The following SPECC1L variants were observed in gnomAD, a reference collection of about 807,000 sequenced individuals.
The protein encoded by SPECC1L is sperm antigen with calponin homology and coiled-coil domains 1 like.
SPECC1L carries 40 observed loss-of-function variants against 116.8 expected under a neutral mutation model. That is an observed-to-expected ratio of 0.34 (90% CI 0.27 to 0.45). The LOEUF (loss-of-function observed/expected upper bound fraction) is 0.45, where lower values mean the gene tolerates loss of function less well. Among genes scored for constraint, SPECC1L ranks in the 20% least tolerant of loss-of-function variants. The pLI, the probability that SPECC1L is intolerant of heterozygous loss-of-function variation, is 1.00. For synonymous variants in SPECC1L, 504 were observed against 500.6 expected, an observed-to-expected ratio of 1.01 and a Z score of -0.09; for missense variants, 1,110 against 1,373.6, an observed-to-expected ratio of 0.81 and a Z score of 3.03.
intron 8 of SPECC1L, 146 bp from the exon 9 acceptor site, chr22:24,334,264 G>A (rs984535375): frequency 2.5e-5 from 18 of 731,894 alleles, no homozygotes; most frequent in Middle Eastern, 3.6e-4. Context: ...CTCCTGCCTC[G>A]GCCTCCCAAA....
intron 14 of SPECC1L, among the ~76,000 whole-genome samples, chr22:24,376,643 A>G (rs1305651942): frequency 1.3e-5 from 2 of 152,212 alleles, no homozygotes; most frequent in Non-Finnish European, 2.9e-5. Context: ...AACTTTGAAT[A>G]TTTTATGCTA....
intron 4 of SPECC1L, among the ~76,000 whole-genome samples, chr22:24,315,018 G>A (rs2040533740): frequency 6.6e-6 from 1 of 152,152 alleles, no homozygotes; most frequent in Non-Finnish European, 1.5e-5. Flanking sequence ...TACTTCTTAC[G>A]TTTATAGAAA....
At chr22:24,314,078 T>A (rs1057308240) in intron 4 of SPECC1L, among the ~76,000 whole-genome samples, 13 of 150,846 alleles carry the variant, frequency 8.6e-5, no homozygotes, top group African/African-American at 3.2e-4. Flanking sequence ...GGAGTTTCGC[T>A]CTGTCACCCA....
intron 10 of SPECC1L, among the ~76,000 whole-genome samples, chr22:24,343,107 C>T (rs1203528744): frequency 1.3e-5 from 2 of 151,782 alleles, no homozygotes; most frequent in African/African-American, 4.8e-5. Context: ...GGCAGGAGAA[C>T]CACTTTAACC....
chr22:24,279,095 A>T (rs1277928835), intron 2 of SPECC1L, among the ~76,000 whole-genome samples: 1 of 152,218 alleles, frequency 6.6e-6, no homozygotes. Flanking sequence ...TTCCAGGCCC[A>T]TTCAAGAGTC....
At chr22:24,303,836 TTAAA>T (rs903911753) in intron 3 of SPECC1L, among the ~76,000 whole-genome samples, 8 of 134,390 alleles carry the variant, frequency 6.0e-5, no homozygotes, top group Admixed American at 1.7e-4. Context: ...ATTAACAAGT[TTAAA>T]TAGGGTGTGT....
At chr22:24,352,941 T>C (rs1426771707) in intron 11 of SPECC1L, among the ~76,000 whole-genome samples, 3 of 152,234 alleles carry the variant, frequency 2.0e-5, no homozygotes, top group African/African-American at 7.2e-5. Flanking sequence ...TCTGTGGCAT[T>C]CTTTTATATT....
rs1277388781 is a variant in SPECC1L, at chr22:24,295,873, G to A, written c.-37-6322G>A. Among the ~76,000 whole-genome samples the A allele has an allele frequency of 4.6e-5, 7 of 152,102 alleles. No individual in the cohort carries two copies. In the East Asian group the frequency reaches 7.7e-4, roughly 17 times the overall value. On this transcript the variant is annotated intron_variant, in intron 2 of 16. Transcript: ENST00000314328. Reference sequence around the variant, plus strand: ...TGAGGGAGGAGAATCACTTGAACCCGGGAGGCAGATGTTGCAGTGAGCCAA... The same window carrying A: ...TGAGGGAGGAGAATCACTTGAACCCAGGAGGCAGATGTTGCAGTGAGCCAA...
intron 10 of SPECC1L, among the ~76,000 whole-genome samples, chr22:24,340,976 C>T (rs1027073021): frequency 2.0e-5 from 3 of 152,070 alleles, no homozygotes; most frequent in Non-Finnish European, 2.9e-5. Context: ...AGACATTGTA[C>T]GTAACTGTGA....
intron 4 of SPECC1L, among the ~76,000 whole-genome samples, chr22:24,317,251 C>T (rs1233135412): frequency 5.5e-5 from 6 of 110,072 alleles, no homozygotes; most frequent in Middle Eastern, 6.5e-3. Flanking sequence ...GGCGGCTGGC[C>T]GGGCGGGGGG....
intron 14 of SPECC1L, among the ~76,000 whole-genome samples, chr22:24,391,346 A>G (rs541437613): frequency 1.3e-5 from 2 of 152,350 alleles, no homozygotes; most frequent in South Asian, 4.1e-4. Context: ...CTGTTTAAAC[A>G]TGATCTTGAT....
At chr22:24,329,026 A>G in intron 7 of SPECC1L, 107 bp downstream of exon 7, 1 of 848,026 alleles carries the variant, frequency 1.2e-6, no homozygotes, top group Admixed American at 2.0e-5. Context: ...ATACAGTGAT[A>G]ATACTGGCCC....
chr22:24,377,143 G>A lies in SPECC1L; in HGVS notation c.3087+7823G>A, dbSNP rs375073378. 2.0e-5 allele frequency among the ~76,000 whole-genome samples: 3 copies of A among 152,208 alleles called. No individual in the cohort carries two copies. The East Asian group carries it at 5.8e-4, about 29-fold the overall frequency. ...ACTGGCTTCTTTCACTTAGCATCAT[G>A]TTTTTAAGGTTCATCCATGCTGTAG... is the stretch of plus-strand genomic sequence containing the variant. On this transcript the variant is annotated intron_variant, in intron 14 of 16. Coordinates refer to ENST00000314328, the MANE Select transcript of SPECC1L (RefSeq NM_015330.6).
chr22:24,288,338 C>A (rs1211350442), intron 2 of SPECC1L, among the ~76,000 whole-genome samples: 2 of 152,012 alleles, frequency 1.3e-5, no homozygotes, highest in Admixed American at 6.6e-5. Flanking sequence ...GTCTGTAGCA[C>A]CTTGCCTCCC....
rs906503867 is a variant in SPECC1L at position 24,412,701 on chromosome 22, C to G, written c.3258C>G (p.Ser1086=). 2.5e-6 allele frequency: 4 copies of G among 1,613,980 alleles called. No homozygotes were observed. In the African/African-American group the frequency reaches 5.3e-5, roughly 22 times the overall value. The change falls in exon 16 of 17, where the codon TCC becomes TCG. Residue 1086 remains serine, a synonymous_variant. Coordinates refer to ENST00000314328, the MANE Select transcript of SPECC1L (RefSeq NM_015330.6). ...FQAAESVGIK[S]TLDINEMVRT... ...CAGCTGAAAGTGTCGGCATCAAATC[C>G]ACACTGGTGAGCCCTTGTCCCCCTG...
At chr22:24,300,746 T>C (rs1325181782) in intron 2 of SPECC1L, among the ~76,000 whole-genome samples, 1 of 151,610 alleles carries the variant, frequency 6.6e-6, no homozygotes, top group Non-Finnish European at 1.5e-5. Context: ...TACAGACTAA[T>C]AGAACAGAAC....
intron 14 of SPECC1L, among the ~76,000 whole-genome samples, chr22:24,380,800 TG>T (rs1477603253): frequency 6.6e-6 from 1 of 152,250 alleles, no homozygotes; most frequent in Non-Finnish European, 1.5e-5. Context: ...AAGGCTGTTT[TG>T]TGAGTCCAGG....
chr22:24,405,545 A>T (rs2042571280), intron 14 of SPECC1L, among the ~76,000 whole-genome samples: 1 of 151,986 alleles, frequency 6.6e-6, no homozygotes, highest in Non-Finnish European at 1.5e-5. Flanking sequence ...CTAAACCCTA[A>T]AAATACCTTA....
chr22:24,400,376 C>T lies in SPECC1L; in HGVS notation c.3088-11212C>T, dbSNP rs777266467. Among the ~76,000 whole-genome samples, 4 of 152,214 alleles carry T rather than the reference C, an allele frequency of 2.6e-5. No homozygotes were observed. In the East Asian group the frequency reaches 7.7e-4, roughly 29 times the overall value. On this transcript the variant is annotated intron_variant, in intron 14 of 16. Transcript: ENST00000314328. ...TTACCATAATGTTTCAATACTTACT[C>T]ATATTGTGGCGTATATTCGTACTTT...
Sources: gnomAD v4.1 joint callset for allele counts (sites outside exome capture counted in the v4.1 genomes callset) on GRCh38, gnomAD v4.1.1 for gene constraint, MANE v1.5 for transcripts, NCBI Gene and HGNC (gene_info 2026-07-23, HGNC 2026-07-21) for gene names.